The following COG6 variants were observed in gnomAD, a reference collection of about 807,000 sequenced individuals.
COG6 encodes the protein conserved oligomeric Golgi complex subunit 6.
Under a neutral mutation model 88.8 loss-of-function variants are expected in COG6, and 74 were observed. That is an observed-to-expected ratio of 0.83 (90% CI 0.69 to 1.01). The LOEUF is 1.01. Ranked by LOEUF, COG6 falls within the 50% of genes least tolerant of loss-of-function variation. The pLI, the probability that COG6 is intolerant of heterozygous loss-of-function variation, is 0.00. For missense variants in COG6, 800 were observed against 797.9 expected, an observed-to-expected ratio of 1.00 and a Z score of -0.03; for synonymous variants, 286 against 278.7, an observed-to-expected ratio of 1.03 and a Z score of -0.26.
intron 18 of COG6, among the ~76,000 whole-genome samples, chr13:39,787,203 C>T (rs1881800545): frequency 6.6e-6 from 1 of 152,080 alleles, no homozygotes; most frequent in Admixed American, 6.6e-5. Context: ...GGTCACTGCA[C>T]AAAAAGCCAG....
intron 18 of COG6, among the ~76,000 whole-genome samples, chr13:39,729,074 A>T (rs565430990): frequency 6.6e-6 from 1 of 152,328 alleles, no homozygotes; most frequent in Non-Finnish European, 1.5e-5. Flanking sequence ...ACTACATGTG[A>T]AATATACTGT....
At chr13:39,670,894 A>G (rs1319433029) in intron 4 of COG6, among the ~76,000 whole-genome samples, 1 of 152,068 alleles carries the variant, frequency 6.6e-6, no homozygotes, top group Non-Finnish European at 1.5e-5. Context: ...TGGTAGCATA[A>G]AAATATAAAA....
intron 4 of COG6, among the ~76,000 whole-genome samples, chr13:39,666,807 T>G (rs1018526424): frequency 3.9e-5 from 6 of 152,154 alleles, no homozygotes; most frequent in Non-Finnish European, 7.3e-5. Context: ...ATAAAAACAT[T>G]GAGAAAATGT....
intron 18 of COG6, among the ~76,000 whole-genome samples, chr13:39,772,474 T>TG (rs1881348225): frequency 6.6e-6 from 1 of 152,160 alleles, no homozygotes; most frequent in Non-Finnish European, 1.5e-5. Context: ...TCTCCATTGT[T>TG]TGAGGGTTGA....
At chr13:39,769,511 G>T (rs1364002766) in intron 18 of COG6, among the ~76,000 whole-genome samples, 1 of 152,174 alleles carries the variant, frequency 6.6e-6, no homozygotes, top group Non-Finnish European at 1.5e-5. Flanking sequence ...TAAGGTATAG[G>T]TTTATTGTGA....
Position 39,772,201 on chromosome 13 carries a change from G to A in COG6, c.1827-16134G>A, listed in dbSNP as rs183762647. On this transcript the variant is annotated intron_variant, in intron 18 of 18. Coordinates refer to the COG6 transcript ENST00000416691. Reference sequence around the variant, plus strand: ...ATTGTTTCCTGAAATGTCTTCCCTTGCTCCAGTTTTGCTTAACCTCTTACA... The same window carrying A: ...ATTGTTTCCTGAAATGTCTTCCCTTACTCCAGTTTTGCTTAACCTCTTACA... Among the ~76,000 whole-genome samples, 7 of 152,248 alleles carry A rather than the reference G, an allele frequency of 4.6e-5. No homozygotes were observed. The East Asian group carries it at 1.2e-3, about 25-fold the overall frequency.
At chr13:39,681,357 G>A (rs181595144) in intron 7 of COG6, among the ~76,000 whole-genome samples, 3 of 152,076 alleles carry the variant, frequency 2.0e-5, no homozygotes, top group Admixed American at 2.0e-4. Flanking sequence ...GCATCTCATT[G>A]TATTTTTTTC....
At chr13:39,771,961 T>C (rs558398015) in intron 18 of COG6, among the ~76,000 whole-genome samples, 65 of 152,116 alleles carry the variant, frequency 4.3e-4, no homozygotes, top group African/African-American at 1.5e-3. Context: ...TGGCACAGAG[T>C]AGAAATAAAA....
At position 39,692,281 on chromosome 13, in the gene COG6, AT is replaced by A. The variant is rs939307975; in HGVS notation, c.1075-2343del. Among the ~76,000 whole-genome samples the A allele has an allele frequency of 8.9e-3, 1,342 of 150,180 alleles. 21 individuals are homozygous for A. Among genetic ancestry groups the A allele is most frequent in the African/African-American group, 0.028 (1,149 of 41,018 alleles). On this transcript the variant is annotated intron_variant, in intron 11 of 18. Transcript: ENST00000455146. ...AGAAAGACCAGAACTAATATATTAAATTTTTTTTTTAAGCCCATGGGTATAA... is the reference window on the plus strand; with the variant it reads ...AGAAAGACCAGAACTAATATATTAAATTTTTTTTTAAGCCCATGGGTATAA...
chr13:39,747,574 G>A (rs1306172190), intron 18 of COG6, among the ~76,000 whole-genome samples: 2 of 152,006 alleles, frequency 1.3e-5, no homozygotes, highest in Non-Finnish European at 2.9e-5. Context: ...CTGAGGCGGA[G>A]ATTGAAGACA....
intron 16 of COG6, 53 bp from the exon 17 acceptor site, chr13:39,724,455 A>G: frequency 6.7e-6 from 9 of 1,345,360 alleles, no homozygotes; most frequent in Middle Eastern, 2.5e-4. Context: ...AATGAAATGT[A>G]TATCTCCTTT....
At chr13:39,655,917 G>T (rs1566165473) in intron 1 of COG6, 38 bp downstream of exon 1, 2 of 1,584,470 alleles carry the variant, frequency 1.3e-6, no homozygotes, top group East Asian at 4.6e-5. Flanking sequence ...ACAGGTTCCT[G>T]CGGGGCTGAG....
Position 39,751,818 on chromosome 13 carries a change from GGAGCTCAGCCTTTCCAAT to G in COG6, c.*732_*749del, listed in dbSNP as rs750140573. 5 of 1,287,190 alleles carry G rather than the reference GGAGCTCAGCCTTTCCAAT, an allele frequency of 3.9e-6. No individual in the cohort carries two copies. Among genetic ancestry groups the G allele is most frequent in the Non-Finnish European group, 5.1e-6 (5 of 988,674 alleles). 79.7% of individuals were successfully genotyped at this position (1,287,190 alleles called of 1,614,324 possible). A position where few individuals can be genotyped will look rare whatever the true frequency, so the allele number is the denominator to read the frequency against. On this transcript the variant is annotated 3_prime_UTR_variant, in exon 19 of 19. Transcript: ENST00000455146. ...GGGAGCCTTCGATGGAACTCAAGGT[GGAGCTCAGCCTTTCCAAT>G]GAGCTCTAAGCATGTAGATAGCCTG...
downstream of COG6, among the ~76,000 whole-genome samples, chr13:39,755,242 T>C (rs1258911422): frequency 6.6e-6 from 1 of 152,162 alleles, no homozygotes; most frequent in Non-Finnish European, 1.5e-5. Flanking sequence ...GTGTTTAACT[T>C]ATGCCGTTTC....
downstream of COG6, chr13:39,752,731 T>A: frequency 9.5e-7 from 1 of 1,047,990 alleles, no homozygotes. Context: ...AGGGCAAAAC[T>A]GAGGTAATCA....
Position 39,750,942 on chromosome 13 carries a change from A to G in COG6, c.1827-4A>G, listed in dbSNP as rs375878630. On this transcript the variant is annotated splice_region_variant and splice_polypyrimidine_tract_variant and intron_variant, in intron 18 of 18. Coordinates refer to ENST00000455146, the MANE Select transcript of COG6 (RefSeq NM_020751.3). ...GTGTTTACATTTTGTTTGCTTATCAATAGAGAGCAGATCGTAAAACAATCT... is the reference window on the plus strand; with the variant it reads ...GTGTTTACATTTTGTTTGCTTATCAGTAGAGAGCAGATCGTAAAACAATCT... 757 of 1,612,486 alleles carry G rather than the reference A, an allele frequency of 4.7e-4. 9 individuals carry two copies. Among genetic ancestry groups the G allele is most frequent in the South Asian group, 4.5e-3 (412 of 91,026 alleles).
chr13:39,747,853 C>T (rs1407713178), intron 18 of COG6, among the ~76,000 whole-genome samples: 1 of 152,114 alleles, frequency 6.6e-6, no homozygotes, highest in East Asian at 1.9e-4. Context: ...ATTTAAATTT[C>T]ACTACTTTAG....
At chr13:39,692,996 T>C (rs1044077103) in intron 11 of COG6, among the ~76,000 whole-genome samples, 1 of 152,050 alleles carries the variant, frequency 6.6e-6, no homozygotes, top group African/African-American at 2.4e-5. Flanking sequence ...GACCTTTTTT[T>C]ACTTTTTACT....
chr13:39,705,865 G>A (rs1877864772), intron 13 of COG6, among the ~76,000 whole-genome samples: 1 of 151,956 alleles, frequency 6.6e-6, no homozygotes, highest in Admixed American at 6.6e-5. Flanking sequence ...TTCCCAGGAG[G>A]TTCATGTGCT....
Sources: gnomAD v4.1 joint callset for allele counts (sites outside exome capture counted in the v4.1 genomes callset) on GRCh38, gnomAD v4.1.1 for gene constraint, MANE v1.5 for transcripts, NCBI Gene and HGNC (gene_info 2026-07-23, HGNC 2026-07-21) for gene names.